The following MYO16 variants were observed in gnomAD, a reference collection of about 807,000 sequenced individuals.
The protein encoded by MYO16 is unconventional myosin-XVI.
In MYO16, 94 loss-of-function variants were observed where a neutral mutation model predicts 205.3. The observed-to-expected ratio is 0.46, with a 90% CI of 0.39 to 0.54. The LOEUF (loss-of-function observed/expected upper bound fraction) is 0.54, where lower values mean the gene tolerates loss of function less well. Ranked by LOEUF, MYO16 falls within the 20% of genes least tolerant of loss-of-function variation. MYO16 has a pLI of 0.00. For missense variants in MYO16, 2,315 were observed against 2,387.5 expected, an observed-to-expected ratio of 0.97 and a Z score of 0.63; for synonymous variants, 988 against 954.0, an observed-to-expected ratio of 1.04 and a Z score of -0.66.
intron 4 of MYO16, among the ~76,000 whole-genome samples, chr13:108,727,942 A>T (rs1400502218): frequency 6.6e-6 from 1 of 152,188 alleles, no homozygotes; most frequent in African/African-American, 2.4e-5. Context: ...TATGGTTTAT[A>T]TTGAATCTTT....
intron 23 of MYO16, 86 bp downstream of exon 23, chr13:109,019,997 G>C (rs1398902056): frequency 3.7e-6 from 5 of 1,353,608 alleles, no homozygotes; most frequent in Non-Finnish European, 5.1e-6. Flanking sequence ...GATATTTTAA[G>C]GTGTGTTATT....
At chr13:108,855,355 G>T in intron 10 of MYO16, 88 bp from the exon 11 acceptor site, 11 of 537,256 alleles carry the variant, frequency 2.0e-5, no homozygotes, top group South Asian at 1.2e-4. Flanking sequence ...TCAAATGTTT[G>T]ACAGGTAATT....
At chr13:108,768,217 C>T (rs1328978876) in intron 4 of MYO16, among the ~76,000 whole-genome samples, 9 of 152,156 alleles carry the variant, frequency 5.9e-5, no homozygotes, top group Admixed American at 4.6e-4. Flanking sequence ...CTCCAGCACT[C>T]CTCGGCTCCT....
chr13:108,700,310 C>T (rs1453244850), intron 2 of MYO16, among the ~76,000 whole-genome samples: 2 of 113,726 alleles, frequency 1.8e-5, no homozygotes, highest in African/African-American at 6.9e-5. Flanking sequence ...GCAGCTTGGG[C>T]AACAACAGCG....
chr13:108,780,120 C>A, intron 4 of MYO16: 1 of 151,952 alleles, frequency 6.6e-6, no homozygotes, highest in Non-Finnish European at 1.5e-5. Context: ...GAAACAGTAG[C>A]AACATTATTT....
intron 22 of MYO16, among the ~76,000 whole-genome samples, chr13:109,012,816 T>C (rs1885648568): frequency 6.6e-6 from 1 of 151,562 alleles, no homozygotes; most frequent in Non-Finnish European, 1.5e-5. Context: ...ATTTTAGTTT[T>C]ATTGTTCAGT....
chr13:108,817,698 C>T (rs1387093228), intron 7 of MYO16, among the ~76,000 whole-genome samples: 1 of 152,172 alleles, frequency 6.6e-6, no homozygotes, highest in Non-Finnish European at 1.5e-5. Context: ...ACAGCTAAGA[C>T]GGCTTCAGTG....
At chr13:108,785,149 G>A (rs767603390) in intron 4 of MYO16, among the ~76,000 whole-genome samples, 29 of 152,284 alleles carry the variant, frequency 1.9e-4, no homozygotes, top group Admixed American at 7.8e-4. Flanking sequence ...TTAAAATGTC[G>A]TAGTGTGAGA....
At chr13:109,179,065 A>G (rs886644780) in intron 33 of MYO16, among the ~76,000 whole-genome samples, 4 of 152,110 alleles carry the variant, frequency 2.6e-5, no homozygotes, top group Non-Finnish European at 4.4e-5. Context: ...GCACAAAATG[A>G]ACTACAGCCA....
At chr13:109,022,884 T>TTA (rs913357644) in intron 23 of MYO16, among the ~76,000 whole-genome samples, 3 of 136,542 alleles carry the variant, frequency 2.2e-5, no homozygotes, top group Non-Finnish European at 3.0e-5. Context: ...TATATATTTA[T>TTA]TATATATACA....
chr13:108,585,654 A>T, the MYO16 span, among the ~76,000 whole-genome samples: 2 of 152,210 alleles, frequency 1.3e-5, no homozygotes, highest in African/African-American at 4.8e-5. Context: ...AGATATGGCA[A>T]GGGAATATAT....
At chr13:108,992,925 A>G (rs577050279) in intron 21 of MYO16, among the ~76,000 whole-genome samples, 2 of 152,326 alleles carry the variant, frequency 1.3e-5, no homozygotes, top group South Asian at 2.1e-4. Flanking sequence ...TTTTTAATCC[A>G]TCTATAATTT....
intron 1 of MYO16, among the ~76,000 whole-genome samples, chr13:108,648,701 G>T (rs1032925271): frequency 1.3e-5 from 2 of 152,076 alleles, no homozygotes; most frequent in East Asian, 3.9e-4. Flanking sequence ...CAAAGAAATC[G>T]ATCTTTATGG....
intron 10 of MYO16, among the ~76,000 whole-genome samples, chr13:108,849,815 G>A (rs1376636963): frequency 7.6e-6 from 1 of 132,032 alleles, no homozygotes; most frequent in East Asian, 2.1e-4. Context: ...CTCTTTTTTT[G>A]TGTGTGTAAC....
At chr13:108,788,570 T>G (rs1431965885) in intron 5 of MYO16, among the ~76,000 whole-genome samples, 1 of 152,234 alleles carries the variant, frequency 6.6e-6, no homozygotes, top group Non-Finnish European at 1.5e-5. Flanking sequence ...TAGTTGGCTC[T>G]GCATACACCA....
At chr13:109,032,199 G>T (rs1378804069) in intron 23 of MYO16, among the ~76,000 whole-genome samples, 1 of 152,108 alleles carries the variant, frequency 6.6e-6, no homozygotes, top group Non-Finnish European at 1.5e-5. Flanking sequence ...TGGACTCCAT[G>T]ATTTCCAACT....
At position 108,798,701 on chromosome 13, in the gene MYO16, T is replaced by C. The variant is rs890461390; in HGVS notation, c.741+5061T>C. On this transcript the variant is annotated intron_variant, in intron 6 of 34. Coordinates refer to ENST00000457511, the MANE Select transcript of MYO16 (RefSeq NM_001198950.3). ...GCCCCGAGGCTTATTTTTTTTTTTT[T>C]TTTTTTTTTTTTTTTGAGATGGAGT... Among the ~76,000 whole-genome samples the C allele has an allele frequency of 8.6e-4, 105 of 122,738 alleles. 1 individual carries two copies. The highest frequency in any genetic ancestry group is 3.3e-3 in the African/African-American group (102 of 30,944). 80.5% of individuals were successfully genotyped at this position (122,738 alleles called of 152,430 possible). A position where few individuals can be genotyped will look rare whatever the true frequency, so the allele number is the denominator to read the frequency against.
intron 31 of MYO16, among the ~76,000 whole-genome samples, chr13:109,137,778 T>C (rs1388589360): frequency 6.6e-6 from 1 of 152,214 alleles, no homozygotes; most frequent in African/African-American, 2.4e-5. Flanking sequence ...AGATACATAC[T>C]CATATCACCA....
At chr13:108,946,329 A>G (rs1332189405) in intron 16 of MYO16, among the ~76,000 whole-genome samples, 3 of 151,718 alleles carry the variant, frequency 2.0e-5, no homozygotes, top group Admixed American at 6.6e-5. Flanking sequence ...TAAATTTTTC[A>G]CTTATTTTGA....
Sources: allele counts gnomAD v4.1 joint callset (sites outside exome capture counted in the v4.1 genomes callset), GRCh38; gene constraint gnomAD v4.1.1; transcripts MANE v1.5; gene names NCBI Gene and HGNC (gene_info 2026-07-23, HGNC 2026-07-21).